The following ITGBL1 variants were observed in gnomAD, a reference collection of about 807,000 sequenced individuals.
The protein encoded by ITGBL1 is integrin subunit beta like 1.
Under a neutral mutation model 68.5 loss-of-function variants are expected in ITGBL1, and 51 were observed. The ratio of observed to expected loss-of-function variants is 0.74; its 90% CI spans 0.59 to 0.94. ITGBL1 has a LOEUF of 0.94. ITGBL1 is among the 40% of genes least tolerant of loss of function. ITGBL1 has a pLI of 0.00. For synonymous variants in ITGBL1, 209 were observed against 227.3 expected, an observed-to-expected ratio of 0.92 and a Z score of 0.72; for missense variants, 649 against 647.4, an observed-to-expected ratio of 1.00 and a Z score of -0.03.
In ITGBL1 at chr13:101,472,419, G is replaced by A. The variant is rs149921059; in HGVS notation, c.316+18319G>A. On this transcript the variant is annotated intron_variant, in intron 2 of 10. Coordinates refer to ENST00000376180, the MANE Select transcript of ITGBL1 (RefSeq NM_004791.3). ...GTTTTGTTACATTACTTTAATTTTCGTGCGTTTTCTACCTTAAAATAATAT... is the reference window on the plus strand; with the variant it reads ...GTTTTGTTACATTACTTTAATTTTCATGCGTTTTCTACCTTAAAATAATAT... 4.7e-4 allele frequency among the ~76,000 whole-genome samples: 71 copies of A among 152,172 alleles called. No individual in the cohort carries two copies. The East Asian group carries it at 7.3e-3, about 16-fold the overall frequency.
intron 7 of ITGBL1, among the ~76,000 whole-genome samples, chr13:101,605,316 A>C (rs1308911160): frequency 2.1e-5 from 1 of 48,650 alleles, no homozygotes; most frequent in Non-Finnish European, 4.0e-5. Flanking sequence ...GCATGTATAT[A>C]TGCATATGCG....
chr13:101,499,743 C>T (rs1050157262), intron 2 of ITGBL1, among the ~76,000 whole-genome samples: 3 of 152,188 alleles, frequency 2.0e-5, no homozygotes, highest in Non-Finnish European at 2.9e-5. Flanking sequence ...TACTGGATTA[C>T]TCTGACTTTA....
chr13:101,568,319 A>G (rs2050215036), intron 3 of ITGBL1, among the ~76,000 whole-genome samples: 1 of 152,188 alleles, frequency 6.6e-6, no homozygotes, highest in Non-Finnish European at 1.5e-5. Flanking sequence ...TTGTTTGATC[A>G]AAATATTTTT....
At chr13:101,545,737 G>A (rs2049809953) in intron 2 of ITGBL1, among the ~76,000 whole-genome samples, 1 of 152,160 alleles carries the variant, frequency 6.6e-6, no homozygotes. Context: ...TATAGTAACA[G>A]CCATCACTGG....
intron 7 of ITGBL1, among the ~76,000 whole-genome samples, chr13:101,675,308 C>T (rs1427084666): frequency 6.6e-6 from 1 of 151,654 alleles, no homozygotes; most frequent in Non-Finnish European, 1.5e-5. Flanking sequence ...TGTTCCATGT[C>T]TCAGATCTGT....
chr13:101,716,802 A>AT, downstream of ITGBL1: 1 of 151,926 alleles, frequency 6.6e-6, no homozygotes, highest in African/African-American at 2.4e-5. Flanking sequence ...AAAAAAAAAA[A>AT]AAAATCTAGA....
rs1380469270 is a variant in ITGBL1, at chr13:101,715,928, T to G, written c.*274T>G. 2.8e-6 allele frequency: 1 copy of G among 357,644 alleles called. No homozygotes were observed. The highest frequency in any genetic ancestry group is 2.1e-5 in the African/African-American group (1 of 47,734). 22.2% of individuals were successfully genotyped at this position (357,644 alleles called of 1,614,324 possible). ...TCCACCCAAAAGTCATTTGGCAACA[T>G]CTACAGACAATTTTGATTGTCACAC... On this transcript the variant is annotated 3_prime_UTR_variant, in exon 11 of 11. Coordinates refer to ENST00000376180, the MANE Select transcript of ITGBL1 (RefSeq NM_004791.3).
At chr13:101,631,344 C>A (rs984905610) in intron 7 of ITGBL1, among the ~76,000 whole-genome samples, 3 of 151,238 alleles carry the variant, frequency 2.0e-5, no homozygotes, top group Non-Finnish European at 4.4e-5. Flanking sequence ...AGTTTCTTTA[C>A]AAATGAAAAG....
rs190402950 is a variant in ITGBL1 at position 101,656,482 on chromosome 13, A to G, written c.1016-36103A>G. Among the ~76,000 whole-genome samples the G allele has an allele frequency of 3.0e-4, 45 of 152,330 alleles. 1 individual carries two copies. The highest frequency in any genetic ancestry group is 2.7e-3 in the Admixed American group (41 of 15,300). ...CCTGAGTCAGAGTGGAAAGTAAGCC[A>G]CAATATATAGGGTTAAATAAAATCC... is the stretch of plus-strand genomic sequence containing the variant. On this transcript the variant is annotated intron_variant, in intron 7 of 10. Transcript: ENST00000376180.
At chr13:101,512,390 T>C (rs1185057113) in intron 2 of ITGBL1, among the ~76,000 whole-genome samples, 2 of 152,174 alleles carry the variant, frequency 1.3e-5, no homozygotes, top group Non-Finnish European at 2.9e-5. Context: ...AGAATTTCCA[T>C]TTTCTGAATG....
intron 7 of ITGBL1, among the ~76,000 whole-genome samples, chr13:101,630,653 T>G (rs1011028622): frequency 2.0e-5 from 3 of 152,244 alleles, no homozygotes; most frequent in Non-Finnish European, 4.4e-5. Flanking sequence ...TGATTTTCCC[T>G]TATTCATTTC....
chr13:101,706,599 T>G (rs2034268273), intron 8 of ITGBL1, among the ~76,000 whole-genome samples, 157 bp from the exon 9 acceptor site: 3 of 152,242 alleles, frequency 2.0e-5, no homozygotes, highest in Non-Finnish European at 4.4e-5. Context: ...TGTTGTAAGT[T>G]CTTTCAAACA....
At chr13:101,614,185 A>T (rs1022107119) in intron 7 of ITGBL1, among the ~76,000 whole-genome samples, 1 of 152,162 alleles carries the variant, frequency 6.6e-6, no homozygotes, top group Non-Finnish European at 1.5e-5. Context: ...ATGAAAGATA[A>T]TTGGCTGAAT....
At position 101,575,295 on chromosome 13, in the gene ITGBL1, C is replaced by T. The variant is rs2050338475; in HGVS notation, c.464-129C>T. The T allele has an allele frequency of 4.5e-6, 4 of 897,138 alleles. No individual in the cohort carries two copies. In the East Asian group the frequency reaches 7.8e-5, roughly 17 times the overall value. 55.6% of individuals were successfully genotyped at this position (897,138 alleles called of 1,614,324 possible). ...CATGTGCTTTACCTCACCATGCCCACAGAAATATCTAATTGAAATATTAAA... is the reference window on the plus strand; with the variant it reads ...CATGTGCTTTACCTCACCATGCCCATAGAAATATCTAATTGAAATATTAAA... On this transcript the variant is annotated intron_variant, in intron 3 of 10. Transcript: ENST00000376180.
At position 101,647,219 on chromosome 13, in the gene ITGBL1, C is replaced by G. The variant is rs1309497399; in HGVS notation, c.1016-45366C>G. ...AATAAATTTTTAGACTTCTGTTTAC[C>G]ACAATTATAGAAATTAATTAACCTC... On this transcript the variant is annotated intron_variant, in intron 7 of 10. Transcript: ENST00000376180. Among the ~76,000 whole-genome samples the G allele has an allele frequency of 5.9e-5, 9 of 152,052 alleles. No homozygotes were observed. In the East Asian group the frequency reaches 1.7e-3, roughly 29 times the overall value.
intron 7 of ITGBL1, among the ~76,000 whole-genome samples, chr13:101,612,433 GC>G (rs1441474300): frequency 6.6e-6 from 1 of 152,132 alleles, no homozygotes; most frequent in Non-Finnish European, 1.5e-5. Context: ...AGTATGTAGT[GC>G]CTGGTAAAGT....
chr13:101,459,400 T>G (rs2048288195), intron 2 of ITGBL1, among the ~76,000 whole-genome samples: 1 of 152,238 alleles, frequency 6.6e-6, no homozygotes, highest in Admixed American at 6.5e-5. Flanking sequence ...ATGTATAAAT[T>G]TATTTAATAT....
At chr13:101,628,703 G>A (rs2031876919) in intron 7 of ITGBL1, among the ~76,000 whole-genome samples, 1 of 150,628 alleles carries the variant, frequency 6.6e-6, no homozygotes, top group South Asian at 2.1e-4. Context: ...GCCTCCCAAA[G>A]TGCTGGGATT....
At chr13:101,701,173 T>C (rs2034128052) in intron 8 of ITGBL1, among the ~76,000 whole-genome samples, 1 of 152,220 alleles carries the variant, frequency 6.6e-6, no homozygotes, top group African/African-American at 2.4e-5. Context: ...AATATTAATG[T>C]ATTTTGATGA....
Sources: gnomAD v4.1 joint callset for allele counts (sites outside exome capture counted in the v4.1 genomes callset) on GRCh38, gnomAD v4.1.1 for gene constraint, MANE v1.5 for transcripts, NCBI Gene and HGNC (gene_info 2026-07-23, HGNC 2026-07-21) for gene names.